Variants in TET1 observed in about 807,000 individuals in gnomAD.
TET1 encodes methylcytosine dioxygenase TET1.
TET1 carries 13 observed loss-of-function variants against 148.7 expected under a neutral mutation model. The ratio of observed to expected loss-of-function variants is 0.09; its 90% CI spans 0.06 to 0.14. TET1 has a LOEUF of 0.14. Ranked by LOEUF, TET1 falls within the 10% of genes least tolerant of loss-of-function variation. The pLI is 1.00. For missense variants in TET1, 2,182 were observed against 2,553.8 expected (o/e 0.85, Z 3.14); for synonymous variants, 907 against 937.2 (o/e 0.97, Z 0.59).
intron 6 of TET1, among the ~76,000 whole-genome samples, chr10:68,664,193 T>A (rs2055162463): frequency 6.6e-6 from 1 of 152,116 alleles, no homozygotes; most frequent in South Asian, 2.1e-4. Flanking sequence ...GGACATATAT[T>A]CATATGCTCA....
chr10:68,683,153 G>A (rs1589133700), intron 10 of TET1, among the ~76,000 whole-genome samples, 180 bp downstream of exon 10: 1 of 152,290 alleles, frequency 6.6e-6, no homozygotes, highest in East Asian at 1.9e-4. Flanking sequence ...TTCATTAAAT[G>A]CATTATCTAT....
At chr10:68,642,069 G>T (rs1280200839) in intron 3 of TET1, among the ~76,000 whole-genome samples, 1 of 152,148 alleles carries the variant, frequency 6.6e-6, no homozygotes, top group South Asian at 2.1e-4. Flanking sequence ...TGTAATTGGA[G>T]TTATCATTCT....
chr10:68,654,786 T>C (rs1168337227), intron 6 of TET1, among the ~76,000 whole-genome samples: 1 of 152,148 alleles, frequency 6.6e-6, no homozygotes, highest in Non-Finnish European at 1.5e-5. Context: ...CCTGCAGTTT[T>C]TGTGGGTTAG....
chr10:68,566,863 T>A (rs1208805525), intron 1 of TET1, among the ~76,000 whole-genome samples: 3 of 152,046 alleles, frequency 2.0e-5, no homozygotes, highest in African/African-American at 4.8e-5. Context: ...ACAGGCTTTT[T>A]TTTTTTAGCT....
At chr10:68,579,260 C>T (rs569314450) in intron 2 of TET1, among the ~76,000 whole-genome samples, 1 of 152,328 alleles carries the variant, frequency 6.6e-6, no homozygotes, top group African/African-American at 2.4e-5. Context: ...CTTTCTCAAA[C>T]CTGCTCTTTC....
intron 3 of TET1, among the ~76,000 whole-genome samples, chr10:68,628,690 T>C (rs1274553808): frequency 1.3e-5 from 2 of 152,130 alleles, no homozygotes; most frequent in African/African-American, 4.8e-5. Flanking sequence ...GAATGGGTGA[T>C]TTTGGGGCTG....
chr10:68,582,470 C>T (rs1420772522), intron 2 of TET1, among the ~76,000 whole-genome samples: 1 of 152,086 alleles, frequency 6.6e-6, no homozygotes, highest in African/African-American at 2.4e-5. Context: ...GCAAATTCCA[C>T]TGGAAAAAAA....
chr10:68,604,077 C>G (rs778828837), intron 3 of TET1, among the ~76,000 whole-genome samples: 4 of 152,164 alleles, frequency 2.6e-5, no homozygotes, highest in Non-Finnish European at 2.9e-5. Context: ...ATTTCCTTGA[C>G]TCTTGATCTA....
chr10:68,590,343 G>T (rs1022655224), intron 2 of TET1, among the ~76,000 whole-genome samples: 1 of 152,054 alleles, frequency 6.6e-6, no homozygotes, highest in African/African-American at 2.4e-5. Context: ...TGTTGCCCAG[G>T]CTGGTCTCAA....
At chr10:68,643,202 C>T (rs781190472) in intron 3 of TET1, among the ~76,000 whole-genome samples, 7 of 135,870 alleles carry the variant, frequency 5.2e-5, no homozygotes, top group African/African-American at 1.1e-4. Flanking sequence ...GTTGAAGCCA[C>T]GGTGAACTGT....
At chr10:68,577,028 C>T (rs1270416384) in intron 2 of TET1, among the ~76,000 whole-genome samples, 1 of 152,182 alleles carries the variant, frequency 6.6e-6, no homozygotes, top group African/African-American at 2.4e-5. Flanking sequence ...CCTGCCTCAG[C>T]CTCCTGAGTA....
intron 10 of TET1, among the ~76,000 whole-genome samples, chr10:68,685,859 A>AT (rs916551305): frequency 6.6e-6 from 1 of 151,770 alleles, no homozygotes; most frequent in Non-Finnish European, 1.5e-5. Context: ...TTAAAAAAAA[A>AT]TTTTTTTTAA....
intron 7 of TET1, among the ~76,000 whole-genome samples, chr10:68,672,499 AAAAAAAAAAAAACACC>A (rs2055287308): frequency 6.7e-6 from 1 of 148,410 alleles, no homozygotes; most frequent in South Asian, 2.1e-4. Context: ...AAAAAAAAAA[AAAAAAAAAAAAACACC>A]AAAAAAAAAA....
chr10:68,681,876 G>A (rs2055438493), intron 9 of TET1, among the ~76,000 whole-genome samples: 1 of 150,446 alleles, frequency 6.6e-6, no homozygotes. Context: ...GCTGAGGCAG[G>A]AGAATCACTT....
chr10:68,684,817 G>C (rs2055488239), intron 10 of TET1, among the ~76,000 whole-genome samples: 1 of 151,586 alleles, frequency 6.6e-6, no homozygotes, highest in South Asian at 2.1e-4. Context: ...TTCTAATTAT[G>C]CTCCTCATGT....
At chr10:68,653,994 C>T (rs1305891746) in intron 6 of TET1, among the ~76,000 whole-genome samples, 1 of 150,236 alleles carries the variant, frequency 6.7e-6, no homozygotes, top group Non-Finnish European at 1.5e-5. Flanking sequence ...GTAGTCCCAG[C>T]TACTTGGGAG....
chr10:68,576,878 A>AT (rs911336947), intron 2 of TET1, among the ~76,000 whole-genome samples: 1 of 151,168 alleles, frequency 6.6e-6, no homozygotes, highest in Non-Finnish European at 1.5e-5. Context: ...CATAGCTGGG[A>AT]TTACAGGCAC....
Position 68,652,573 on chromosome 10 carries a change from T to G in TET1, c.4440T>G (p.His1480Gln), listed in dbSNP as rs761418568. 2.5e-6 allele frequency: 4 copies of G among 1,611,496 alleles called. No homozygotes were observed. Among genetic ancestry groups the G allele is most frequent in the Non-Finnish European group, 2.5e-6 (3 of 1,178,542 alleles). ...CCGGTAAAGAAGGGAAAAGCTCTCA[T>G]GGGTGTCCAATTGCTAAGTGGGTAA... ...VYTGKEGKSS[H>Q]GCPIAKWVLR... Residue 1480 changes from histidine to glutamine, a missense_variant, in exon 6 of 12, where the codon CAT (histidine) becomes CAG (glutamine). Transcript: ENST00000373644.
rs565807079 is a variant in TET1 at position 68,615,519 on chromosome 10, T to C, written c.1968+14485T>C. On this transcript the variant is annotated intron_variant, in intron 3 of 11. Coordinates refer to ENST00000373644, the MANE Select transcript of TET1 (RefSeq NM_030625.3). The stretch of plus-strand genomic sequence containing the variant: ...CACCACTACGCCTGGCTAATTTTTG[T>C]ATTTTTAGCAGAGATGGGGTTTCTG... Among the ~76,000 whole-genome samples the C allele has an allele frequency of 1.3e-3, 203 of 151,936 alleles. 1 individual carries two copies. Among genetic ancestry groups the C allele is most frequent in the African/African-American group, 4.6e-3 (192 of 41,452 alleles).
Sources: allele counts gnomAD v4.1 joint callset (sites outside exome capture counted in the v4.1 genomes callset), GRCh38; gene constraint gnomAD v4.1.1; transcripts MANE v1.5; gene names NCBI Gene and HGNC (gene_info 2026-07-23, HGNC 2026-07-21).